MYH7B: variants seen among roughly 807,000 people sequenced by gnomAD.
The protein encoded by MYH7B is myosin heavy chain 7B.
MYH7B carries 205 observed loss-of-function variants against 234.5 expected under a neutral mutation model. That is an observed-to-expected ratio of 0.87 (90% CI 0.78 to 0.98). The LOEUF (loss-of-function observed/expected upper bound fraction) is 0.98, where lower values mean the gene tolerates loss of function less well. Ranked by LOEUF, MYH7B falls within the 50% of genes least tolerant of loss-of-function variation. The pLI is 0.00. For missense variants in MYH7B, 2,652 were observed against 2,633.4 expected (o/e 1.01, Z -0.15); for synonymous variants, 1,193 against 1,105.0 (o/e 1.08, Z -1.58).
At position 34,977,915 on chromosome 20, in the gene MYH7B, T is replaced by C. The variant is rs1294610610; in HGVS notation, c.-72-19T>C. On this transcript the variant is annotated intron_variant, in intron 4 of 44. Coordinates refer to ENST00000262873, the Ensembl canonical transcript of MYH7B. The stretch of plus-strand genomic sequence containing the variant: ...GGATCGTGCCCTAGTTCAGCTCCCT[T>C]GTCACTGCCATCTTCCAGTGCCTGC... The C allele has an allele frequency of 6.2e-7, 1 of 1,612,954 alleles. No individual in the cohort carries two copies. The highest frequency in any genetic ancestry group is 8.5e-7 in the Non-Finnish European group (1 of 1,179,990).
intron 2 of MYH7B, among the ~76,000 whole-genome samples, chr20:34,964,175 C>T (rs573271698): frequency 2.1e-4 from 32 of 152,146 alleles, no homozygotes; most frequent in African/African-American, 7.7e-4. Context: ...AATGTGCACT[C>T]CTGCCAGCAG....
intron 43 of MYH7B, 23 bp downstream of exon 43, chr20:35,001,549 ACCTGGACC>A: frequency 1.9e-6 from 3 of 1,577,608 alleles, no homozygotes; most frequent in Non-Finnish European, 2.6e-6. Flanking sequence ...GGGCCTGGAC[ACCTGGACC>A]GGGCACCCCA....
rs149008892 is a variant in MYH7B at position 34,982,542 on chromosome 20, C to T, written c.611C>T (p.Pro204Leu). The T allele has an allele frequency of 4.5e-4, 718 of 1,606,884 alleles. 10 individuals are homozygous for T. In the East Asian group the frequency reaches 0.012, roughly 27 times the overall value. ...ATCGTCGCTGCCCTGGGAGACGGGC[C>T]GGGCAAGAAGGCCGTAAGACTTGCC... The change falls in exon 10 of 45, where the codon CCG becomes CTG. Residue 204 changes from proline to leucine, a missense_variant. Physicochemically the swap from Pro to Leu is moderately conservative, Grantham distance 98 (BLOSUM62 -3). Around this residue, in one of 3 missense-constraint regions of MYH7B, gnomAD observed 366 missense variants for 401.2 expected, o/e 0.91. Coordinates refer to ENST00000262873, the Ensembl canonical transcript of MYH7B.
intron 10 of MYH7B, 60 bp downstream of exon 10, chr20:34,982,615 T>C: frequency 5.9e-6 from 8 of 1,358,260 alleles, no homozygotes; most frequent in Non-Finnish European, 8.0e-6. Flanking sequence ...CTTTTCTTTC[T>C]TCCTCTCTTT....
chr20:34,991,520 G>A (rs1325170289), intron 24 of MYH7B, among the ~76,000 whole-genome samples: 3 of 152,206 alleles, frequency 2.0e-5, no homozygotes, highest in Admixed American at 6.5e-5. Flanking sequence ...TCTGTTTTGC[G>A]TGTATCAGGT....
chr20:34,999,481 T>C, intron 36 of MYH7B, 76 bp downstream of exon 36: 6 of 1,525,064 alleles, frequency 3.9e-6, no homozygotes, highest in Non-Finnish European at 5.3e-6. Flanking sequence ...GGTGCCCTGG[T>C]GGGGCCACCC....
At chr20:34,996,316 G>C (rs777106315) in intron 28 of MYH7B, 30 bp from the exon 29 acceptor site, 1 of 1,554,900 alleles carries the variant, frequency 6.4e-7, no homozygotes, top group Non-Finnish European at 8.7e-7. Flanking sequence ...GGGGAAGGGC[G>C]TCCCCATTCT....
intron 10 of MYH7B, 100 bp from the exon 11 acceptor site, chr20:34,984,592 C>A (rs1055385257): frequency 1.0e-5 from 11 of 1,062,626 alleles, no homozygotes; most frequent in Admixed American, 8.6e-5. Flanking sequence ...ACTCCACCCC[C>A]CTGTCCTGCT....
chr20:34,990,826 G>C lies in MYH7B; in HGVS notation c.2065+1G>C. On this transcript the variant is annotated splice_donor_variant, in intron 23 of 44. Transcript: ENST00000262873. LOFTEE classifies it high-confidence loss of function. ...GTCCCCAACGAGAACAAAACCCCAG[G>C]TAGTCACCCAGGGCTGGCCTGGCTG... 6.2e-7 allele frequency: 1 copy of C among 1,614,136 alleles called. No homozygotes were observed. Among genetic ancestry groups the C allele is most frequent in the South Asian group, 1.1e-5 (1 of 91,080 alleles).
chr20:34,999,013 C>T lies in MYH7B; in HGVS notation c.4191-43C>T, dbSNP rs762454086. 8.2e-6 allele frequency: 13 copies of T among 1,584,620 alleles called. No homozygotes were observed. In the Admixed American group the frequency reaches 1.4e-4, roughly 17 times the overall value. On this transcript the variant is annotated intron_variant, in intron 35 of 44. Coordinates refer to ENST00000262873, the Ensembl canonical transcript of MYH7B. ...TGAAGGGAGCTGCTGGGGCTGTTCTCCCTCCTTCCATGGTCCACACCTTGT... is the reference window on the plus strand; with the variant it reads ...TGAAGGGAGCTGCTGGGGCTGTTCTTCCTCCTTCCATGGTCCACACCTTGT...
intron 3 of MYH7B, among the ~76,000 whole-genome samples, chr20:34,976,191 C>T (rs1347146616): frequency 6.6e-6 from 1 of 152,242 alleles, no homozygotes; most frequent in African/African-American, 2.4e-5. Flanking sequence ...CCATTACCCT[C>T]CCTCAGAGGA....
chr20:34,961,949 A>G (rs1451492396), intron 2 of MYH7B, among the ~76,000 whole-genome samples: 2 of 152,190 alleles, frequency 1.3e-5, no homozygotes, highest in East Asian at 1.9e-4. Flanking sequence ...TAATGCTGCT[A>G]TGGCCAGGAG....
intron 2 of MYH7B, among the ~76,000 whole-genome samples, chr20:34,962,077 A>T (rs2081703193): frequency 6.6e-6 from 1 of 152,084 alleles, no homozygotes; most frequent in Admixed American, 6.6e-5. Context: ...AAATTTAAAA[A>T]TTAGCCGGGC....
At chr20:34,958,662 C>T (rs2081663876) in intron 2 of MYH7B, among the ~76,000 whole-genome samples, 1 of 152,054 alleles carries the variant, frequency 6.6e-6, no homozygotes, top group Non-Finnish European at 1.5e-5. Flanking sequence ...GACAGGGTTT[C>T]ACCATGTTGA....
At chr20:34,994,107 G>A in intron 26 of MYH7B, 39 bp from the exon 27 acceptor site, 1 of 1,602,870 alleles carries the variant, frequency 6.2e-7, no homozygotes, top group South Asian at 1.1e-5. Flanking sequence ...GTGACGGGCA[G>A]CACTGAGCCA....
chr20:34,991,316 G>T (rs189879552), intron 24 of MYH7B, among the ~76,000 whole-genome samples, 195 bp downstream of exon 24: 136 of 152,342 alleles, frequency 8.9e-4, no homozygotes, highest in South Asian at 2.9e-3. Flanking sequence ...AAGTGAATAG[G>T]CTTGGGGCAA....
At chr20:34,996,545 C>T in intron 29 of MYH7B, 23 bp downstream of exon 29, 1 of 1,604,716 alleles carries the variant, frequency 6.2e-7, no homozygotes, top group Non-Finnish European at 8.5e-7. Flanking sequence ...CACCCCGAGA[C>T]TGGGTGGCGG....
chr20:34,973,917 C>A (rs1158449493), intron 2 of MYH7B, among the ~76,000 whole-genome samples: 1 of 148,930 alleles, frequency 6.7e-6, no homozygotes, highest in African/African-American at 2.5e-5. Context: ...CGCCACCATG[C>A]CTGGCTAATT....
At chr20:34,987,484 C>T in intron 16 of MYH7B, 73 bp from the exon 17 acceptor site, 1 of 1,451,542 alleles carries the variant, frequency 6.9e-7, no homozygotes, top group South Asian at 1.3e-5. Context: ...CTCCTAGCCC[C>T]AGGCTGAGGC....
Sources: gnomAD v4.1 joint callset for allele counts (sites outside exome capture counted in the v4.1 genomes callset) on GRCh38, gnomAD v4.1.1 for gene constraint, gnomAD v4.1.1 regional missense constraint, MANE v1.5 for transcripts, NCBI Gene and HGNC (gene_info 2026-07-23, HGNC 2026-07-21) for gene names.